MUC17: variants seen among roughly 807,000 people sequenced by gnomAD.
MUC17 encodes the protein mucin-17.
MUC17 carries 190 observed loss-of-function variants against 170.3 expected under a neutral mutation model. The ratio of observed to expected loss-of-function variants is 1.12; its 90% CI spans 0.99 to 1.26. MUC17 has a LOEUF of 1.26. Ranked by LOEUF, MUC17 falls within the 50% of genes most tolerant of loss-of-function variation. The pLI is 0.00. For synonymous variants in MUC17, 2,325 were observed against 2,002.5 expected (o/e 1.16, Z -4.30); for missense variants, 6,415 against 5,530.0 (o/e 1.16, Z -5.08).
At chr7:101,046,982 G>A (rs921630133) in intron 3 of MUC17, among the ~76,000 whole-genome samples, 12 of 151,760 alleles carry the variant, frequency 7.9e-5, no homozygotes, top group Non-Finnish European at 2.9e-5. Flanking sequence ...TTGGGAGGCT[G>A]AGGTAGGAGA....
In MUC17 at chr7:101,036,738, T is replaced by C; in HGVS notation, c.5322T>C (p.Ile1774=). ...CTAGCACCCTTTCAGCAACTCCTAT[T>C]GACACCAGCACCCCTGTGACCACTT... The part of the protein sequence containing the change: ...SEASTLSATP[I]DTSTPVTTST... The change falls in exon 3 of 13, where the codon ATT becomes ATC. Residue 1774 remains isoleucine (I), a synonymous_variant. Transcript: ENST00000306151. 1 of 1,612,764 alleles carries C rather than the reference T, an allele frequency of 6.2e-7. No homozygotes were observed. The highest frequency in any genetic ancestry group is 8.5e-7 in the Non-Finnish European group (1 of 1,179,550).
At chr7:101,047,659 G>A (rs1334093312) in intron 3 of MUC17, among the ~76,000 whole-genome samples, 3 of 152,028 alleles carry the variant, frequency 2.0e-5, no homozygotes, top group African/African-American at 4.8e-5. Flanking sequence ...GTGAAACCCC[G>A]TCTCTACTAA....
intron 12 of MUC17, 115 bp downstream of exon 12, chr7:101,056,385 C>A: frequency 6.8e-7 from 1 of 1,473,020 alleles, no homozygotes; most frequent in Non-Finnish European, 9.1e-7. Flanking sequence ...GTTTATTGGT[C>A]CAGGTGATCC....
intron 7 of MUC17, 138 bp downstream of exon 7, chr7:101,050,773 G>A: frequency 7.7e-7 from 1 of 1,291,802 alleles, no homozygotes; most frequent in Non-Finnish European, 1.0e-6. Context: ...GAGTCCCTGG[G>A]GTTGCAGCGC....
Position 101,040,204 on chromosome 7 carries a change from T to C in MUC17, c.8788T>C (p.Leu2930=). Residue 2930 remains leucine, a synonymous_variant, in exon 3 of 13, where the codon TTA becomes CTA. Coordinates refer to ENST00000306151, the MANE Select transcript of MUC17 (RefSeq NM_001040105.2). The part of the protein sequence containing the change: ...ISTPSEVSTP[L]TSILVSTVPV... ...AACTCCTAGTGAAGTAAGTACTCCA[T>C]TAACAAGTATACTTGTCAGCACCGT... 6.2e-7 allele frequency: 1 copy of C among 1,612,286 alleles called. No individual in the cohort carries two copies. Among genetic ancestry groups the C allele is most frequent in the African/African-American group, 1.3e-5 (1 of 74,722 alleles).
In MUC17 at chr7:101,038,941, A is replaced by G. The variant is rs745825584; in HGVS notation, c.7525A>G (p.Thr2509Ala). ...TGAAGATATCGTCGTGCCAATCTCAACTGCTAGTGAAGGAAGTACTCTATT... is the reference window on the plus strand; with the variant it reads ...TGAAGATATCGTCGTGCCAATCTCAGCTGCTAGTGAAGGAAGTACTCTATT... ...TAEDIVVPIS[T>A]ASEGSTLLTS... is the part of the protein sequence containing the mutation. Residue 2509 changes from threonine (T) to alanine (A), a missense_variant, in exon 3 of 13, where the codon ACT becomes GCT. Physicochemically the swap from Thr to Ala is moderately conservative, Grantham distance 58. Transcript: ENST00000306151. 1.2e-6 allele frequency: 2 copies of G among 1,613,066 alleles called. No homozygotes were observed. The highest frequency in any genetic ancestry group is 1.7e-6 in the Non-Finnish European group (2 of 1,179,836).
Position 101,057,933 on chromosome 7 carries a change from C to G in MUC17, c.13441-70C>G, listed in dbSNP as rs551824227. ...AAACAGAACACTTCCTATCCCAATC[C>G]TCCTTATGCTTCCAGAATCCCAAAT... On this transcript the variant is annotated intron_variant, in intron 12 of 12. Coordinates refer to ENST00000306151, the MANE Select transcript of MUC17 (RefSeq NM_001040105.2). The G allele has an allele frequency of 1.1e-4, 150 of 1,341,580 alleles. 1 individual carries two copies. The highest frequency in any genetic ancestry group is 1.5e-4 in the Non-Finnish European group (143 of 938,440). 83.1% of individuals were successfully genotyped at this position (1,341,580 alleles called of 1,614,324 possible).
rs1321757712 is a variant in MUC17, at chr7:101,058,358, G to A, written c.*314G>A. ...CCCCATTGATCGCCAGGATTGATTTGGTTGATCTGGCTGAGCAGGCGGGTG... is the reference window on the plus strand; with the variant it reads ...CCCCATTGATCGCCAGGATTGATTTAGTTGATCTGGCTGAGCAGGCGGGTG... On this transcript the variant is annotated 3_prime_UTR_variant, in exon 13 of 13. Transcript: ENST00000306151. The A allele has an allele frequency of 8.8e-6, 2 of 228,482 alleles. No homozygotes were observed. The highest frequency in any genetic ancestry group is 1.1e-4 in the Admixed American group (2 of 18,462). 14.2% of individuals were successfully genotyped at this position (228,482 alleles called of 1,614,324 possible). A position where few individuals can be genotyped will look rare whatever the true frequency, so the allele number is the denominator to read the frequency against.
In MUC17 at chr7:101,041,688, G is replaced by A. The variant is rs560999190; in HGVS notation, c.10272G>A (p.Val3424=). 6 of 1,593,280 alleles carry A rather than the reference G, an allele frequency of 3.8e-6. No homozygotes were observed. The highest frequency in any genetic ancestry group is 4.3e-6 in the Non-Finnish European group (5 of 1,172,344). Residue 3424 remains valine, a synonymous_variant, in exon 3 of 13, where the codon GTG becomes GTA. Coordinates refer to ENST00000306151, the MANE Select transcript of MUC17 (RefSeq NM_001040105.2). The part of the protein sequence containing the change: ...SEVNTLSTTP[V]DSNTLVTTST... Reference sequence around the variant, plus strand: ...TTAACACCCTTTCAACAACTCCTGTGGACTCCAACACTCTGGTGACCACTT... The same window carrying A: ...TTAACACCCTTTCAACAACTCCTGTAGACTCCAACACTCTGGTGACCACTT...
At position 101,056,224 on chromosome 7, in the gene MUC17, A is replaced by G. The variant is rs1436481289; in HGVS notation, c.13394A>G (p.Tyr4465Cys). The G allele has an allele frequency of 1.9e-5, 31 of 1,614,000 alleles. No individual in the cohort carries two copies. The highest frequency in any genetic ancestry group is 7.7e-5 in the South Asian group (7 of 91,078). The change falls in exon 12 of 13, where the codon TAT becomes TGT. Residue 4465 changes from tyrosine (Y) to cysteine (C), a missense_variant. Tyr to Cys is a radical substitution (Grantham distance 194). Transcript: ENST00000306151. ...GATTCCATCCACCTGGAGTCCATCT[A>G]TAGTAATTTCCAGCCCTCCTTGAGA... ...DDDSIHLESI[Y>C]SNFQPSLRHI...
chr7:101,043,028 AAAG>A lies in MUC17; in HGVS notation c.11616_11618del (p.Arg3872del), dbSNP rs1229780168. 1 of 1,614,164 alleles carries A rather than the reference AAAG, an allele frequency of 6.2e-7. No homozygotes were observed. Among genetic ancestry groups the A allele is most frequent in the South Asian group, 1.1e-5 (1 of 91,072 alleles). On this transcript the variant is annotated inframe_deletion, in exon 3 of 13. Coordinates refer to ENST00000306151, the MANE Select transcript of MUC17 (RefSeq NM_001040105.2). ...ACCATACGTATTTCAATTACCAGTG[AAAG>A]AAGCACTCCATTAACAACTCTCCTT...
chr7:101,051,622 G>A lies in MUC17; in HGVS notation c.12884G>A (p.Cys4295Tyr). 6.2e-7 allele frequency: 1 copy of A among 1,612,944 alleles called. No individual in the cohort carries two copies. The highest frequency in any genetic ancestry group is 8.5e-7 in the Non-Finnish European group (1 of 1,179,756). ...MINDICSDMMCFNTTGTQVQN... is the reference protein window; with the variant it reads ...MINDICSDMMYFNTTGTQVQN... ...TGTGTCTCTTTCACAGACATGATGT[G>A]TTTCAACACCACTGGCACCCAAGTG... The change falls in exon 8 of 13, where the codon TGT becomes TAT. Residue 4295 changes from cysteine to tyrosine, a missense_variant. Physicochemically the swap from Cys to Tyr is radical, Grantham distance 194. Transcript: ENST00000306151.
In MUC17 at chr7:101,042,757, A is replaced by G. The variant is rs1252915325; in HGVS notation, c.11341A>G (p.Thr3781Ala). ...SSTPSIPSVY[T>A]SMSMTTASEG... ...CACCCCTTCCATACCATCTGTTTACACCAGCATGTCTATGACCACTGCCTC... is the reference window on the plus strand; with the variant it reads ...CACCCCTTCCATACCATCTGTTTACGCCAGCATGTCTATGACCACTGCCTC... Residue 3781 changes from threonine (T) to alanine (A), a missense_variant, in exon 3 of 13, where the codon ACC becomes GCC. By Grantham distance (58) the Thr-to-Ala change is moderately conservative (BLOSUM62 0). Transcript: ENST00000306151. 13 of 1,613,976 alleles carry G rather than the reference A, an allele frequency of 8.1e-6. No homozygotes were observed. Among genetic ancestry groups the G allele is most frequent in the Middle Eastern group, 1.6e-4 (1 of 6,084 alleles).
intron 3 of MUC17, among the ~76,000 whole-genome samples, chr7:101,047,342 A>G (rs1794859916): frequency 6.6e-6 from 1 of 152,032 alleles, no homozygotes; most frequent in African/African-American, 2.4e-5. Flanking sequence ...ACCTCTCACA[A>G]TACCAGGTTT....
chr7:101,047,567 C>T (rs2116468348), intron 3 of MUC17, among the ~76,000 whole-genome samples: 1 of 152,276 alleles, frequency 6.6e-6, no homozygotes, highest in South Asian at 2.1e-4. Context: ...CAGTGGCTCA[C>T]ACTTGTAATC....
At chr7:101,048,262 G>GTTTTT (rs1257612816) in intron 4 of MUC17, 147 bp downstream of exon 4, 7 of 783,472 alleles carry the variant, frequency 8.9e-6, no homozygotes, top group Non-Finnish European at 1.3e-5. Flanking sequence ...GTTTTGTTTT[G>GTTTTT]TTTCCACCCA....
At chr7:101,056,339 T>C (rs1359860610) in intron 12 of MUC17, 69 bp downstream of exon 12, 9 of 1,584,510 alleles carry the variant, frequency 5.7e-6, no homozygotes, top group African/African-American at 2.7e-5. Flanking sequence ...CTTTCCTACA[T>C]GGTAGGACCT....
intron 1 of MUC17, among the ~76,000 whole-genome samples, chr7:101,021,891 G>T (rs1300650153): frequency 6.6e-6 from 1 of 152,188 alleles, no homozygotes; most frequent in Non-Finnish European, 1.5e-5. Flanking sequence ...GCCTCAGCCT[G>T]GTCCTTCCCA....
At position 101,039,228 on chromosome 7, in the gene MUC17, T is replaced by C. The variant is rs372195771; in HGVS notation, c.7812T>C (p.Pro2604=). Residue 2604 remains proline, a synonymous_variant, in exon 3 of 13, where the codon CCT becomes CCC. Coordinates refer to ENST00000306151, the MANE Select transcript of MUC17 (RefSeq NM_001040105.2). ...CAACTCCTGTTGACACCAGCATACCTGTCACCACTTCTACTGAAACCAGTT... is the reference window on the plus strand; with the variant it reads ...CAACTCCTGTTGACACCAGCATACCCGTCACCACTTCTACTGAAACCAGTT... ...LSTTPVDTSI[P]VTTSTETSSS... The C allele has an allele frequency of 5.6e-6, 9 of 1,613,722 alleles. No individual in the cohort carries two copies. Among genetic ancestry groups the C allele is most frequent in the Admixed American group, 5.0e-5 (3 of 60,010 alleles).
Sources: allele counts gnomAD v4.1 joint callset (sites outside exome capture counted in the v4.1 genomes callset), GRCh38; gene constraint gnomAD v4.1.1; transcripts MANE v1.5; gene names NCBI Gene and HGNC (gene_info 2026-07-23, HGNC 2026-07-21).